Variants in STARD13 observed in about 807,000 individuals in gnomAD.
The protein encoded by STARD13 is StAR related lipid transfer domain containing 13.
A neutral mutation model predicts 106.4 loss-of-function variants in STARD13; 62 were observed. The observed-to-expected ratio is 0.58, with a 90% CI of 0.48 to 0.72. STARD13 has a LOEUF of 0.72. STARD13 is among the 30% of genes least tolerant of loss of function. The probability of loss-of-function intolerance (pLI) is 0.00; values close to 1 mark genes in which losing one functional copy is unlikely to be tolerated. For synonymous variants in STARD13, 565 were observed against 553.0 expected (o/e 1.02, Z -0.31); for missense variants, 1,387 against 1,424.0 (o/e 0.97, Z 0.42).
the STARD13 span, among the ~76,000 whole-genome samples, chr13:33,493,033 C>T: frequency 2.0e-5 from 3 of 152,198 alleles, no homozygotes; most frequent in African/African-American, 4.8e-5. Context: ...GCATCTCTTA[C>T]TGCATAGATT....
At chr13:33,616,836 A>G in the STARD13 span, among the ~76,000 whole-genome samples, 1 of 152,232 alleles carries the variant, frequency 6.6e-6, no homozygotes, top group Non-Finnish European at 1.5e-5. Flanking sequence ...AATCCATAAC[A>G]AGAGGAACTC....
upstream of STARD13, among the ~76,000 whole-genome samples, chr13:33,290,703 G>A (rs866899451): frequency 6.6e-6 from 1 of 152,236 alleles, no homozygotes; most frequent in Admixed American, 6.5e-5. Flanking sequence ...GTGCTCTCCC[G>A]TATGCCATTC....
chr13:33,633,070 T>A, the STARD13 span, among the ~76,000 whole-genome samples: 5,350 of 152,300 alleles, frequency 0.035, 125 homozygotes, highest in African/African-American at 0.066. Context: ...TAATTCCTAC[T>A]AAGAGGGGTA....
the STARD13 span, among the ~76,000 whole-genome samples, chr13:33,455,044 A>G: frequency 6.6e-6 from 1 of 152,230 alleles, no homozygotes; most frequent in African/African-American, 2.4e-5. Context: ...AAGTAAAGGA[A>G]CTTTTAATTC....
chr13:33,451,560 T>A, the STARD13 span, among the ~76,000 whole-genome samples: 6 of 151,932 alleles, frequency 3.9e-5, no homozygotes, highest in South Asian at 1.2e-3. Context: ...GGGGTTTGGA[T>A]CATGAGAAAA....
At chr13:33,276,162 A>G (rs1353415223) in intron 1 of STARD13, 1 of 152,218 alleles carries the variant, frequency 6.6e-6, no homozygotes, top group Non-Finnish European at 1.5e-5. Context: ...GAATGCTAAT[A>G]TGAGGATCCA....
chr13:33,292,356 C>T (rs931769511), intron 1 of STARD13, among the ~76,000 whole-genome samples: 2 of 151,784 alleles, frequency 1.3e-5, no homozygotes, highest in African/African-American at 4.8e-5. Flanking sequence ...GTAATCCCAA[C>T]ACTTTGGGTG....
intron 1 of STARD13, among the ~76,000 whole-genome samples, chr13:33,260,205 TCATGATTA>T (rs1890572062): frequency 6.6e-6 from 1 of 152,214 alleles, no homozygotes; most frequent in Admixed American, 6.5e-5. Flanking sequence ...CTAGTGTTCT[TCATGATTA>T]CATCACAGTA....
chr13:33,643,743 G>A, the STARD13 span, among the ~76,000 whole-genome samples: 2 of 152,232 alleles, frequency 1.3e-5, no homozygotes, highest in African/African-American at 2.4e-5. Flanking sequence ...GGTCTAAGCC[G>A]CTGGTGAGCA....
At chr13:33,392,690 G>A in the STARD13 span, among the ~76,000 whole-genome samples, 7 of 152,210 alleles carry the variant, frequency 4.6e-5, no homozygotes, top group Non-Finnish European at 1.0e-4. Flanking sequence ...GTGAGCCACT[G>A]TGCCCGGCCT....
At chr13:33,307,711 G>A (rs1171827396) in intron 1 of STARD13, among the ~76,000 whole-genome samples, 1 of 152,090 alleles carries the variant, frequency 6.6e-6, no homozygotes, top group Non-Finnish European at 1.5e-5. Context: ...TGCATGTGGG[G>A]CTTAATACCT....
At chr13:33,336,977 TTAAA>T (rs1164664967) in intron 1 of STARD13, among the ~76,000 whole-genome samples, 1 of 152,022 alleles carries the variant, frequency 6.6e-6, no homozygotes, top group Non-Finnish European at 1.5e-5. Flanking sequence ...ATACTTCACA[TTAAA>T]TAATAATTTT....
chr13:33,426,261 A>G, the STARD13 span, among the ~76,000 whole-genome samples: 1 of 152,210 alleles, frequency 6.6e-6, no homozygotes, highest in Non-Finnish European at 1.5e-5. Flanking sequence ...TATAACATGA[A>G]GTTAATTATT....
At chr13:33,576,891 T>A in the STARD13 span, among the ~76,000 whole-genome samples, 2 of 152,206 alleles carry the variant, frequency 1.3e-5, no homozygotes, top group Non-Finnish European at 2.9e-5. Context: ...AAGGCATTCT[T>A]AGTGATTTTA....
At chr13:33,585,927 C>T in the STARD13 span, among the ~76,000 whole-genome samples, 2 of 152,198 alleles carry the variant, frequency 1.3e-5, no homozygotes, top group African/African-American at 4.8e-5. Context: ...TTTCCAGGAA[C>T]TGGGGGCAGA....
the STARD13 span, among the ~76,000 whole-genome samples, chr13:33,392,367 A>G: frequency 6.6e-6 from 1 of 152,130 alleles, no homozygotes; most frequent in Non-Finnish European, 1.5e-5. Flanking sequence ...CCATATCTTC[A>G]TATTTGATCC....
chr13:33,573,506 AAC>A, the STARD13 span, among the ~76,000 whole-genome samples: 3 of 152,216 alleles, frequency 2.0e-5, no homozygotes, highest in Non-Finnish European at 2.9e-5. Context: ...CTAGACAGAT[AAC>A]ACAAATTACA....
chr13:33,471,445 A>C, the STARD13 span, among the ~76,000 whole-genome samples: 1 of 152,206 alleles, frequency 6.6e-6, no homozygotes, highest in South Asian at 2.1e-4. Flanking sequence ...ATCTATTTAA[A>C]TAAACTCCCA....
At chr13:33,610,213 T>G in the STARD13 span, among the ~76,000 whole-genome samples, 4 of 151,908 alleles carry the variant, frequency 2.6e-5, no homozygotes, top group African/African-American at 9.7e-5. Flanking sequence ...ATAAGAAAAA[T>G]CACGTGGGAA....
Sources: gnomAD v4.1 joint callset for allele counts (sites outside exome capture counted in the v4.1 genomes callset) on GRCh38, gnomAD v4.1.1 for gene constraint, MANE v1.5 for transcripts, NCBI Gene and HGNC (gene_info 2026-07-23, HGNC 2026-07-21) for gene names.